ACSM1: variants seen among roughly 807,000 people sequenced by gnomAD.
The protein encoded by ACSM1 is acyl-coenzyme A synthetase ACSM1, mitochondrial.
Under a neutral mutation model 75.8 loss-of-function variants are expected in ACSM1, and 79 were observed. That is an observed-to-expected ratio of 1.04 (90% confidence interval 0.87 to 1.26). ACSM1 has a LOEUF of 1.26. ACSM1 is among the 50% of genes most tolerant of loss of function. The pLI, the probability that ACSM1 is intolerant of heterozygous loss-of-function variation, is 0.00. For missense variants in ACSM1, 676 were observed against 720.1 expected, an observed-to-expected ratio of 0.94 and a Z score of 0.70; for synonymous variants, 279 against 265.8, an observed-to-expected ratio of 1.05 and a Z score of -0.48.
chr16:20,677,876 A>G (rs2152294391), intron 4 of ACSM1, among the ~76,000 whole-genome samples: 1 of 152,224 alleles, frequency 6.6e-6, no homozygotes, highest in African/African-American at 2.4e-5. Flanking sequence ...AAGAAAAAAA[A>G]GGCTTTTAAC....
At chr16:20,680,526 C>T (rs953602890) in intron 4 of ACSM1, 11 of 152,370 alleles carry the variant, frequency 7.2e-5, no homozygotes, top group Admixed American at 2.0e-4. Flanking sequence ...CACAAGATAA[C>T]TTCACTTCGC....
intron 4 of ACSM1, among the ~76,000 whole-genome samples, chr16:20,676,561 G>A (rs1354768047): frequency 3.3e-5 from 5 of 152,174 alleles, no homozygotes; most frequent in African/African-American, 1.2e-4. Flanking sequence ...ATGCAACTCA[G>A]CTTATTAAAG....
intron 4 of ACSM1, chr16:20,681,076 T>C (rs775783265): frequency 1.3e-5 from 2 of 152,094 alleles, no homozygotes; most frequent in African/African-American, 4.8e-5. Flanking sequence ...AAAGAATAAT[T>C]AAATATTATT....
rs1439671018 is a variant in ACSM1, at chr16:20,636,850, G to A, written c.1198-10C>T. 6.2e-7 allele frequency: 1 copy of A among 1,609,940 alleles called. No homozygotes were observed. The highest frequency in any genetic ancestry group is 8.5e-7 in the Non-Finnish European group (1 of 1,176,772). ...CCTTGTCATCAATGACCTGTAGCAAGAGGCCTGTGAATCATACACTGCAGG... is the reference window on the plus strand; with the variant it reads ...CCTTGTCATCAATGACCTGTAGCAAAAGGCCTGTGAATCATACACTGCAGG... On this transcript the variant is annotated splice_polypyrimidine_tract_variant and intron_variant, in intron 9 of 13. Coordinates refer to ENST00000520010, the MANE Select transcript of ACSM1 (RefSeq NM_001318890.3).
At chr16:20,690,204 C>T (rs532712547) in intron 2 of ACSM1, among the ~76,000 whole-genome samples, 5 of 152,166 alleles carry the variant, frequency 3.3e-5, no homozygotes, top group Non-Finnish European at 4.4e-5. Flanking sequence ...TATTAACTCT[C>T]CAATTCCATC....
At chr16:20,673,477 A>T (rs991391417) in intron 4 of ACSM1, among the ~76,000 whole-genome samples, 4 of 152,210 alleles carry the variant, frequency 2.6e-5, no homozygotes, top group African/African-American at 2.4e-5. Context: ...TTTGGGGTTG[A>T]AATAAAGAGC....
intron 6 of ACSM1, among the ~76,000 whole-genome samples, chr16:20,666,504 A>T (rs919419368): frequency 4.6e-5 from 7 of 152,194 alleles, no homozygotes; most frequent in African/African-American, 1.7e-4. Flanking sequence ...AAAAGATTCC[A>T]TGCTCATATA....
intron 10 of ACSM1, among the ~76,000 whole-genome samples, chr16:20,631,063 C>T (rs145144404): frequency 2.6e-5 from 4 of 152,284 alleles, no homozygotes; most frequent in African/African-American, 7.2e-5. Flanking sequence ...CTGTCTTAGC[C>T]CATTCAGGCT....
In ACSM1 at chr16:20,669,851, CTG is replaced by C. The variant is rs771889649; in HGVS notation, c.886_887del (p.Gln296ValfsTer2). 1 of 1,613,942 alleles carries C rather than the reference CTG, an allele frequency of 6.2e-7. No homozygotes were observed. The highest frequency in any genetic ancestry group is 8.5e-7 in the Non-Finnish European group (1 of 1,179,896). The part of the protein sequence containing the change: ...GCTVFIHHLP[Q>X]FDTKVIIQTL... ...CCTGTATGATGACCTTGGTGTCAAA[CTG>C]TGGCAGATGGTGGATAAAGACTGTA... On this transcript the variant is annotated frameshift_variant, in exon 6 of 14. Transcript: ENST00000520010. LOFTEE classifies it high-confidence loss of function.
chr16:20,636,218 T>C (rs1027199579), intron 10 of ACSM1, among the ~76,000 whole-genome samples: 4 of 152,208 alleles, frequency 2.6e-5, no homozygotes, highest in African/African-American at 7.2e-5. Flanking sequence ...GGGAGGGCCA[T>C]TGCTTATTTG....
chr16:20,663,539 C>T (rs1354011228), intron 6 of ACSM1, among the ~76,000 whole-genome samples: 1 of 152,166 alleles, frequency 6.6e-6, no homozygotes, highest in East Asian at 1.9e-4. Context: ...ATCACCCCAA[C>T]ATTCTGGACC....
chr16:20,623,623 C>T (rs776287098), intron 13 of ACSM1, 51 bp from the exon 14 acceptor site: 1 of 1,545,254 alleles, frequency 6.5e-7, no homozygotes, highest in East Asian at 2.2e-5. Context: ...CTGCCATTTC[C>T]TAACAATTCT....
Position 20,682,483 on chromosome 16 carries a change from T to A in ACSM1, c.404-20A>T, listed in dbSNP as rs775791749. On this transcript the variant is annotated intron_variant, in intron 3 of 13. Coordinates refer to ENST00000520010, the MANE Select transcript of ACSM1 (RefSeq NM_001318890.3). ...TGATCCCTGGGGATGAGAAAGGAACTGATTGTTTTGGTTTCTTTTTCACAA... is the reference window on the plus strand; with the variant it reads ...TGATCCCTGGGGATGAGAAAGGAACAGATTGTTTTGGTTTCTTTTTCACAA... The A allele has an allele frequency of 1.9e-6, 3 of 1,602,170 alleles. No individual in the cohort carries two copies. The highest frequency in any genetic ancestry group is 1.7e-6 in the Non-Finnish European group (2 of 1,170,220).
chr16:20,660,136 AG>A (rs2019219578), intron 7 of ACSM1, among the ~76,000 whole-genome samples: 1 of 152,200 alleles, frequency 6.6e-6, no homozygotes, highest in South Asian at 2.1e-4. Flanking sequence ...TATTTTCCAG[AG>A]TTTCACTTTT....
At chr16:20,639,664 C>T (rs1014290668) in intron 8 of ACSM1, among the ~76,000 whole-genome samples, 4 of 152,260 alleles carry the variant, frequency 2.6e-5, no homozygotes, top group African/African-American at 9.6e-5. Flanking sequence ...AGATTTGGGA[C>T]AAATTAGCCT....
At chr16:20,637,153 C>T (rs1210904043) in intron 9 of ACSM1, 1 of 761,540 alleles carries the variant, frequency 1.3e-6, no homozygotes, top group African/African-American at 1.7e-5. Flanking sequence ...TTCCTACCTA[C>T]TGTGTGTGAT....
chr16:20,636,905 A>C (rs988231707), intron 9 of ACSM1, 65 bp from the exon 10 acceptor site: 5 of 1,225,956 alleles, frequency 4.1e-6, no homozygotes, highest in Non-Finnish European at 6.0e-6. Flanking sequence ...CCACCCAAGC[A>C]CTGTCTGGTT....
At chr16:20,691,793 G>C (rs988361997) in intron 1 of ACSM1, among the ~76,000 whole-genome samples, 30 of 96,762 alleles carry the variant, frequency 3.1e-4, no homozygotes, top group African/African-American at 8.7e-4. Flanking sequence ...GTGTGTGTGT[G>C]TGTGTGTGTG....
Position 20,623,351 on chromosome 16 carries a change from T to G in ACSM1, c.*135A>C. 1.4e-6 allele frequency: 1 copy of G among 706,680 alleles called. No individual in the cohort carries two copies. Among genetic ancestry groups the G allele is most frequent in the East Asian group, 2.6e-5 (1 of 37,938 alleles). 43.8% of individuals were successfully genotyped at this position (706,680 alleles called of 1,614,324 possible). A position where few individuals can be genotyped will look rare whatever the true frequency, so the allele number is the denominator to read the frequency against. On this transcript the variant is annotated 3_prime_UTR_variant, in exon 14 of 14. Transcript: ENST00000520010. ...AATTTAATTTAAAAGAAGGAAAACA[T>G]TGGAATCATGGCACTCCTGATACTT...
Sources: gnomAD v4.1 joint callset for allele counts (sites outside exome capture counted in the v4.1 genomes callset) on GRCh38, gnomAD v4.1.1 for gene constraint, MANE v1.5 for transcripts, NCBI Gene and HGNC (gene_info 2026-07-23, HGNC 2026-07-21) for gene names.